ST18: variants seen among roughly 807,000 people sequenced by gnomAD.
ST18 encodes suppression of tumorigenicity 18 protein.
ST18 carries 50 observed loss-of-function variants against 110.0 expected under a neutral mutation model. The observed-to-expected ratio is 0.45, with a 90% CI of 0.36 to 0.58. ST18 has a LOEUF of 0.58. Among genes scored for constraint, ST18 ranks in the 20% least tolerant of loss-of-function variants. ST18 has a pLI of 0.00. For synonymous variants in ST18, 461 were observed against 452.4 expected (o/e 1.02, Z -0.24); for missense variants, 1,306 against 1,280.1 (o/e 1.02, Z -0.31).
intron 8 of ST18, among the ~76,000 whole-genome samples, chr8:52,210,759 C>A (rs1459800630): frequency 6.6e-6 from 1 of 152,102 alleles, no homozygotes; most frequent in Non-Finnish European, 1.5e-5. Flanking sequence ...GGATTCCCTA[C>A]TGACAAATTC....
At chr8:52,380,461 T>A (rs1412480471) in intron 2 of ST18, among the ~76,000 whole-genome samples, 1 of 152,124 alleles carries the variant, frequency 6.6e-6, no homozygotes, top group Non-Finnish European at 1.5e-5. Flanking sequence ...AATTTTCAAC[T>A]GCATGGGAGA....
At chr8:52,324,406 G>T (rs1393533867) in intron 2 of ST18, among the ~76,000 whole-genome samples, 1 of 152,114 alleles carries the variant, frequency 6.6e-6, no homozygotes. Flanking sequence ...TGTAGCATGG[G>T]TCATAAGAGT....
chr8:52,153,825 GTTTC>G (rs1228634033), intron 15 of ST18, among the ~76,000 whole-genome samples: 3 of 152,202 alleles, frequency 2.0e-5, no homozygotes, highest in Admixed American at 2.0e-4. Flanking sequence ...CTGTACTACT[GTTTC>G]TTTATCTGCA....
intron 8 of ST18, among the ~76,000 whole-genome samples, chr8:52,207,248 G>A (rs531551529): frequency 6.6e-6 from 1 of 152,188 alleles, no homozygotes; most frequent in Non-Finnish European, 1.5e-5. Flanking sequence ...CACTTTGGGA[G>A]GCCAAGGCAA....
intron 5 of ST18, among the ~76,000 whole-genome samples, chr8:52,218,102 G>A (rs1393989573): frequency 6.6e-6 from 1 of 152,040 alleles, no homozygotes; most frequent in Non-Finnish European, 1.5e-5. Flanking sequence ...AGCTGTCCAA[G>A]TAAAAATTTA....
chr8:52,359,519 C>T (rs1243277194), intron 2 of ST18, among the ~76,000 whole-genome samples: 1 of 152,062 alleles, frequency 6.6e-6, no homozygotes, highest in African/African-American at 2.4e-5. Context: ...TTACTATGTG[C>T]CAGGCACTAT....
At chr8:52,369,169 A>G (rs1268601841) in intron 2 of ST18, among the ~76,000 whole-genome samples, 3 of 152,222 alleles carry the variant, frequency 2.0e-5, no homozygotes, top group Non-Finnish European at 4.4e-5. Context: ...ATGATGTGGT[A>G]GAGACTGCTA....
At chr8:52,278,224 A>G (rs2095311100) in intron 2 of ST18, among the ~76,000 whole-genome samples, 2 of 152,226 alleles carry the variant, frequency 1.3e-5, no homozygotes, top group African/African-American at 4.8e-5. Context: ...GTCCCCTGAC[A>G]TCATACGTTC....
chr8:52,171,983 C>T lies in ST18; in HGVS notation c.878G>A (p.Gly293Asp). 1 of 1,614,208 alleles carries T rather than the reference C, an allele frequency of 6.2e-7. No homozygotes were observed. Among genetic ancestry groups the T allele is most frequent in the South Asian group, 1.1e-5 (1 of 91,080 alleles). The change falls in exon 10 of 26, where the codon GGT becomes GAT. Residue 293 changes from glycine (G) to aspartate (D), a missense_variant. Physicochemically the swap from Gly to Asp is moderately conservative, Grantham distance 94. Coordinates refer to ENST00000689386, the MANE Select transcript of ST18 (RefSeq NM_001352837.2). The stretch of plus-strand genomic sequence containing the variant: ...CCCCTTGGCCTTTTCCAGGTCACTA[C>T]CCTCTTCCGTCATTACTGCCAGGCT... ...SESLAVMTEE[G>D]SDLEKAKGNL...
intron 2 of ST18, among the ~76,000 whole-genome samples, chr8:52,318,837 C>T (rs1163984864): frequency 1.3e-5 from 2 of 150,830 alleles, no homozygotes; most frequent in East Asian, 2.0e-4. Flanking sequence ...CCAAATACTG[C>T]GTATTCTCAC....
intron 2 of ST18, among the ~76,000 whole-genome samples, chr8:52,321,308 T>C (rs1418573358): frequency 6.6e-6 from 1 of 152,148 alleles, no homozygotes; most frequent in Non-Finnish European, 1.5e-5. Context: ...CTAAAGAAAT[T>C]TGGCAACATG....
chr8:52,366,243 C>T (rs1214474932), intron 2 of ST18, among the ~76,000 whole-genome samples: 2 of 152,120 alleles, frequency 1.3e-5, no homozygotes, highest in African/African-American at 4.8e-5. Context: ...CTCTGCTTAC[C>T]TACCTCTGAG....
rs576240176 is a variant in ST18 at position 52,214,206 on chromosome 8, C to T, written c.52G>A (p.Glu18Lys). 19 of 1,614,078 alleles carry T rather than the reference C, an allele frequency of 1.2e-5. No homozygotes were observed. The East Asian group carries it at 1.3e-4, about 11-fold the overall frequency. The part of the protein sequence containing the change: ...KTLRTRSKGT[E>K]VPMDSLIQEL... ...TAGAACCTGCTTGCTAACTCACCCT[C>T]GGTTCCTTTAGAGCGAGTACGCAGC... The change falls in exon 7 of 26, where the codon GAG becomes AAG. Residue 18 changes from glutamate (E) to lysine (K), a missense_variant. Coordinates refer to ENST00000689386, the MANE Select transcript of ST18 (RefSeq NM_001352837.2).
chr8:52,286,086 C>T (rs2095467699), intron 2 of ST18, among the ~76,000 whole-genome samples: 1 of 152,108 alleles, frequency 6.6e-6, no homozygotes, highest in South Asian at 2.1e-4. Context: ...TTTGTTTTTG[C>T]CTTTCTTTCC....
intron 8 of ST18, among the ~76,000 whole-genome samples, chr8:52,196,623 G>A (rs2076259704): frequency 6.6e-6 from 1 of 152,120 alleles, no homozygotes; most frequent in African/African-American, 2.4e-5. Context: ...TTTTATTGCA[G>A]CGTATTTTTA....
At chr8:52,198,682 TGTGA>T (rs2076963542) in intron 8 of ST18, among the ~76,000 whole-genome samples, 1 of 152,234 alleles carries the variant, frequency 6.6e-6, no homozygotes, top group African/African-American at 2.4e-5. Context: ...TATCTCTATG[TGTGA>T]GTGTGTATAT....
intron 2 of ST18, among the ~76,000 whole-genome samples, chr8:52,308,163 T>A (rs1393566381): frequency 6.6e-6 from 1 of 152,180 alleles, no homozygotes; most frequent in Non-Finnish European, 1.5e-5. Context: ...TTTTTAAACA[T>A]TCACTCTAGT....
intron 2 of ST18, among the ~76,000 whole-genome samples, chr8:52,385,370 C>G (rs1836209799): frequency 6.6e-6 from 1 of 152,142 alleles, no homozygotes; most frequent in Non-Finnish European, 1.5e-5. Context: ...GAGGCCAAGG[C>G]AGGCGGATCA....
chr8:52,267,497 A>AAG, intron 2 of ST18, among the ~76,000 whole-genome samples: 1 of 151,348 alleles, frequency 6.6e-6, no homozygotes, highest in Non-Finnish European at 1.5e-5. Flanking sequence ...AAAAAAAAAA[A>AAG]AAAAAAACCC....
Sources: allele counts gnomAD v4.1 joint callset (sites outside exome capture counted in the v4.1 genomes callset), GRCh38; gene constraint gnomAD v4.1.1; transcripts MANE v1.5; gene names NCBI Gene and HGNC (gene_info 2026-07-23, HGNC 2026-07-21).